ENPP1: variants seen among roughly 807,000 people sequenced by gnomAD.
ENPP1 encodes ectonucleotide pyrophosphatase/phosphodiesterase family member 1.
In ENPP1, 73 loss-of-function variants were observed where a neutral mutation model predicts 122.8. The ratio of observed to expected loss-of-function variants is 0.59; its 90% CI spans 0.49 to 0.72. The LOEUF (loss-of-function observed/expected upper bound fraction) is 0.72. Among genes scored for constraint, ENPP1 ranks in the 30% least tolerant of loss-of-function variants. The pLI is 0.00. For missense variants in ENPP1, 978 were observed against 1,128.1 expected (o/e 0.87, Z 1.91); for synonymous variants, 367 against 391.6 (o/e 0.94, Z 0.74).
At chr6:131,880,161 G>T (rs1782283221) in intron 20 of ENPP1, 127 bp downstream of exon 20, 1 of 981,084 alleles carries the variant, frequency 1.0e-6, no homozygotes, top group South Asian at 1.3e-5. Context: ...GAACACTGAA[G>T]AGGGAGTCAG....
intron 20 of ENPP1, among the ~76,000 whole-genome samples, chr6:131,881,356 T>A (rs910387068): frequency 6.6e-6 from 1 of 152,184 alleles, no homozygotes; most frequent in African/African-American, 2.4e-5. Context: ...TCTACACCAT[T>A]TTTCATAGGC....
chr6:131,867,015 G>A (rs1287118805), intron 11 of ENPP1, among the ~76,000 whole-genome samples: 5 of 152,190 alleles, frequency 3.3e-5, no homozygotes, highest in African/African-American at 9.7e-5. Context: ...CACTAACAGT[G>A]TGCCAAAGCA....
intron 9 of ENPP1, among the ~76,000 whole-genome samples, chr6:131,861,968 A>G (rs1368134806): frequency 6.6e-6 from 1 of 152,082 alleles, no homozygotes; most frequent in African/African-American, 2.4e-5. Context: ...CAGGAGTTTG[A>G]GACCAGCCTG....
intron 1 of ENPP1, among the ~76,000 whole-genome samples, chr6:131,816,289 A>G (rs1205902818): frequency 6.6e-6 from 1 of 152,206 alleles, no homozygotes; most frequent in Non-Finnish European, 1.5e-5. Context: ...CTTAGGAACA[A>G]ATAAGCATTT....
intron 17 of ENPP1, 67 bp downstream of exon 17, chr6:131,875,930 G>A: frequency 7.5e-7 from 1 of 1,333,972 alleles, no homozygotes; most frequent in Non-Finnish European, 1.1e-6. Context: ...TCAAAAGCAG[G>A]TCACATTGTA....
intron 1 of ENPP1, among the ~76,000 whole-genome samples, chr6:131,814,156 A>C (rs1781389171): frequency 1.3e-5 from 2 of 152,330 alleles, no homozygotes; most frequent in African/African-American, 4.8e-5. Flanking sequence ...CACACAAGAT[A>C]AGATTTCTGG....
chr6:131,866,278 A>C (rs1004273461), intron 11 of ENPP1, among the ~76,000 whole-genome samples: 1 of 152,100 alleles, frequency 6.6e-6, no homozygotes, highest in Non-Finnish European at 1.5e-5. Context: ...TTCACTCCCA[A>C]ATTCCTATCA....
intron 1 of ENPP1, chr6:131,826,662 C>T: frequency 1.3e-6 from 1 of 770,382 alleles, no homozygotes; most frequent in Non-Finnish European, 2.1e-6. Context: ...AGTTGTTCAG[C>T]ACAGCCAGTT....
rs563257219 is a variant in ENPP1, at chr6:131,892,078, A to G, written c.*1567A>G. ...TATACTTGCTTGTTGAAGAATTTTT[A>G]TGATGGCTGCTGTAAAATCCTTATC... On this transcript the variant is annotated 3_prime_UTR_variant, in exon 25 of 25. Transcript: ENST00000647893. 8 of 152,214 alleles carry G rather than the reference A, an allele frequency of 5.3e-5. No individual in the cohort carries two copies. Among genetic ancestry groups the G allele is most frequent in the African/African-American group, 1.7e-4 (7 of 41,542 alleles). The allele number at this position is 152,214 out of a possible 1,614,324, so 9.4% of individuals were successfully genotyped here.
chr6:131,853,354 T>C (rs967165594), intron 5 of ENPP1, among the ~76,000 whole-genome samples: 1 of 152,190 alleles, frequency 6.6e-6, no homozygotes, highest in African/African-American at 2.4e-5. Context: ...CAAATCTTTC[T>C]TTTTCTTCTA....
At chr6:131,845,662 T>G (rs1781800716) in intron 1 of ENPP1, among the ~76,000 whole-genome samples, 1 of 152,094 alleles carries the variant, frequency 6.6e-6, no homozygotes, top group East Asian at 1.9e-4. Flanking sequence ...TTTCACCATG[T>G]TGACCAGGCT....
In ENPP1 at chr6:131,877,039, C is replaced by T; in HGVS notation, c.1771C>T (p.Leu591Phe). ...PAPNNGTHGS[L>F]NHLLKNPVYT... Reference sequence around the variant, plus strand: ...TCCTAATAACGGAACTCATGGAAGTCTTAACCACCTTCTAAAGAATCCTGT... The same window carrying T: ...TCCTAATAACGGAACTCATGGAAGTTTTAACCACCTTCTAAAGAATCCTGT... The change falls in exon 18 of 25, where the codon CTT becomes TTT. Residue 591 changes from leucine (L) to phenylalanine (F), a missense_variant. Transcript: ENST00000647893. The T allele has an allele frequency of 1.2e-6, 2 of 1,614,108 alleles. No individual in the cohort carries two copies. The highest frequency in any genetic ancestry group is 1.7e-6 in the Non-Finnish European group (2 of 1,180,000).
intron 24 of ENPP1, 146 bp from the exon 25 acceptor site, chr6:131,890,195 G>A: frequency 2.8e-6 from 2 of 704,604 alleles, no homozygotes; most frequent in South Asian, 3.2e-5. Context: ...TACTCAAGAG[G>A]AGAGATGATG....
rs1419716062 is a variant in ENPP1, at chr6:131,846,090, G to C, written c.241-1686G>C. On this transcript the variant is annotated intron_variant, in intron 1 of 24. Coordinates refer to ENST00000647893, the MANE Select transcript of ENPP1 (RefSeq NM_006208.3). ...CTTAAGTCTTTGCAGTCACTTGACA[G>C]TAGGCACCTCGAGAGCAGAGGTCAT... Among the ~76,000 whole-genome samples the C allele has an allele frequency of 3.9e-5, 6 of 152,248 alleles. No homozygotes were observed. The East Asian group carries it at 1.2e-3, about 29-fold the overall frequency.
intron 23 of ENPP1, among the ~76,000 whole-genome samples, chr6:131,885,774 A>G (rs988606304): frequency 1.1e-4 from 17 of 152,204 alleles, no homozygotes; most frequent in African/African-American, 4.1e-4. Context: ...CAGAAAGCAC[A>G]TCAATTTGCA....
intron 20 of ENPP1, among the ~76,000 whole-genome samples, chr6:131,881,034 A>C (rs75851450): frequency 0.014 from 2,146 of 152,204 alleles, 59 homozygotes; most frequent in African/African-American, 0.049. Context: ...GTGGAATTGA[A>C]ATTTTAAACT....
rs142835743 is a variant in ENPP1, at chr6:131,880,022, C to T, written c.2088C>T (p.Thr696=). 41 of 1,613,800 alleles carry T rather than the reference C, an allele frequency of 2.5e-5. No individual in the cohort carries two copies. In the East Asian group the frequency reaches 2.7e-4, roughly 11 times the overall value. ...DILMPLWTSY[T]VDRNDSFSTE... ...TAATGCCCCTTTGGACATCCTATAC[C>T]GTGGACAGAAATGCAAGTATTTGTC... is the stretch of plus-strand genomic sequence containing the variant. Residue 696 remains threonine (T), a synonymous_variant, in exon 20 of 25, where the codon ACC becomes ACT. Transcript: ENST00000647893.
At chr6:131,880,160 A>G (rs544161884) in intron 20 of ENPP1, 126 bp downstream of exon 20, 2 of 981,490 alleles carry the variant, frequency 2.0e-6, no homozygotes, top group Non-Finnish European at 1.6e-6. Context: ...GGAACACTGA[A>G]GAGGGAGTCA....
At chr6:131,845,043 G>GTTT (rs142380855) in intron 1 of ENPP1, among the ~76,000 whole-genome samples, 1,269 of 84,912 alleles carry the variant, frequency 0.015, 91 homozygotes, top group African/African-American at 0.022. Context: ...ATTCTTCATG[G>GTTT]TTTTTTTTTT....
Sources: allele counts gnomAD v4.1 joint callset (sites outside exome capture counted in the v4.1 genomes callset), GRCh38; gene constraint gnomAD v4.1.1; transcripts MANE v1.5; gene names NCBI Gene and HGNC (gene_info 2026-07-23, HGNC 2026-07-21).